The following SGCZ variants were observed in gnomAD, a reference collection of about 807,000 sequenced individuals.
The protein encoded by SGCZ is zeta-sarcoglycan.
SGCZ carries 40 observed loss-of-function variants against 41.3 expected under a neutral mutation model. That is an observed-to-expected ratio of 0.97 (90% CI 0.75 to 1.26). The LOEUF is 1.26. Ranked by LOEUF, SGCZ falls within the 50% of genes most tolerant of loss-of-function variation. The probability of loss-of-function intolerance (pLI) is 0.00; values close to 1 mark genes in which losing one functional copy is unlikely to be tolerated. For synonymous variants in SGCZ, 206 were observed against 137.5 expected, an observed-to-expected ratio of 1.50 and a Z score of -3.49; for missense variants, 552 against 369.8, an observed-to-expected ratio of 1.49 and a Z score of -4.04.
At chr8:15,124,177 A>AAGACT (rs1807591122) in intron 1 of SGCZ, among the ~76,000 whole-genome samples, 1 of 152,254 alleles carries the variant, frequency 6.6e-6, no homozygotes, top group Non-Finnish European at 1.5e-5. Context: ...GACCAGTTAG[A>AAGACT]AGACTACTGT....
chr8:14,401,947 C>T (rs1799088640), intron 2 of SGCZ, among the ~76,000 whole-genome samples: 1 of 151,428 alleles, frequency 6.6e-6, no homozygotes, highest in South Asian at 2.1e-4. Flanking sequence ...TCTCCAGCAC[C>T]TGTTGTTTCC....
At chr8:14,644,115 G>T (rs938094022) in intron 1 of SGCZ, among the ~76,000 whole-genome samples, 6 of 151,686 alleles carry the variant, frequency 4.0e-5, no homozygotes, top group Admixed American at 3.3e-4. Flanking sequence ...CTTACCTATT[G>T]TGATGGTTAA....
At chr8:15,092,906 G>C (rs907074190) in intron 1 of SGCZ, among the ~76,000 whole-genome samples, 4 of 152,164 alleles carry the variant, frequency 2.6e-5, no homozygotes, top group Non-Finnish European at 5.9e-5. Flanking sequence ...CAGGAAAACA[G>C]ATGTGTAGGC....
At chr8:14,672,143 C>A (rs923142489) in intron 1 of SGCZ, among the ~76,000 whole-genome samples, 2 of 152,060 alleles carry the variant, frequency 1.3e-5, no homozygotes, top group Non-Finnish European at 2.9e-5. Context: ...GTTCTCTTTG[C>A]CTTCTAAATG....
chr8:14,554,987 A>C, intron 1 of SGCZ, 61 bp from the exon 2 acceptor site: 2 of 1,434,386 alleles, frequency 1.4e-6, no homozygotes, highest in South Asian at 1.4e-5. Context: ...TAAAAAAAAT[A>C]AACCCATGAT....
At chr8:14,116,394 T>C (rs1283140887) in intron 5 of SGCZ, among the ~76,000 whole-genome samples, 2 of 152,106 alleles carry the variant, frequency 1.3e-5, no homozygotes, top group Non-Finnish European at 2.9e-5. Flanking sequence ...AAGTTTTACC[T>C]ACAATTTTTT....
intron 1 of SGCZ, among the ~76,000 whole-genome samples, chr8:14,896,364 G>A (rs1264700992): frequency 6.6e-6 from 1 of 152,168 alleles, no homozygotes; most frequent in Non-Finnish European, 1.5e-5. Flanking sequence ...TAATGGCACT[G>A]ACTCTGGTGT....
chr8:14,771,988 C>T (rs1033047886), intron 1 of SGCZ, among the ~76,000 whole-genome samples: 1 of 152,018 alleles, frequency 6.6e-6, no homozygotes, highest in African/African-American at 2.4e-5. Flanking sequence ...AATGGTTCAA[C>T]TTGATGATTT....
intron 1 of SGCZ, among the ~76,000 whole-genome samples, chr8:15,104,089 A>G (rs533743890): frequency 1.5e-3 from 228 of 152,270 alleles, no homozygotes; most frequent in African/African-American, 5.3e-3. Context: ...TTTCTGTAAA[A>G]CAGACTAAGT....
intron 1 of SGCZ, among the ~76,000 whole-genome samples, chr8:15,179,043 C>T (rs756626721): frequency 1.3e-5 from 2 of 152,018 alleles, no homozygotes; most frequent in Non-Finnish European, 2.9e-5. Context: ...TAAAAAACTA[C>T]GTATTATATC....
chr8:14,272,557 A>T (rs1352074379), intron 3 of SGCZ, among the ~76,000 whole-genome samples: 1 of 152,176 alleles, frequency 6.6e-6, no homozygotes, highest in Non-Finnish European at 1.5e-5. Context: ...TTGTCAGTGA[A>T]AGCACAAATT....
At chr8:15,014,405 G>C (rs1198429163) in intron 1 of SGCZ, among the ~76,000 whole-genome samples, 1 of 152,198 alleles carries the variant, frequency 6.6e-6, no homozygotes, top group African/African-American at 2.4e-5. Context: ...AGGAATGGTA[G>C]CTTCATTTTG....
At chr8:14,251,778 G>C (rs921613833) in intron 3 of SGCZ, among the ~76,000 whole-genome samples, 7 of 152,180 alleles carry the variant, frequency 4.6e-5, no homozygotes, top group African/African-American at 1.7e-4. Context: ...ATTTAACTTT[G>C]TAAAATGTGG....
chr8:14,954,711 C>T (rs1800741571), intron 1 of SGCZ, among the ~76,000 whole-genome samples: 1 of 152,082 alleles, frequency 6.6e-6, no homozygotes. Context: ...TTCCTAAAAC[C>T]TCAGACTGTT....
At chr8:15,033,520 G>A (rs1437375175) in intron 1 of SGCZ, among the ~76,000 whole-genome samples, 2 of 152,046 alleles carry the variant, frequency 1.3e-5, no homozygotes, top group South Asian at 2.1e-4. Context: ...CTGGACTCAG[G>A]CTCCAGGAGC....
chr8:14,329,725 A>G (rs1357534277), intron 2 of SGCZ, among the ~76,000 whole-genome samples: 8 of 151,856 alleles, frequency 5.3e-5, no homozygotes, highest in Non-Finnish European at 1.2e-4. Context: ...TATAAAACAG[A>G]CTCTTCCAGT....
intron 1 of SGCZ, among the ~76,000 whole-genome samples, chr8:14,568,776 A>G (rs1804460559): frequency 6.6e-6 from 1 of 152,222 alleles, no homozygotes; most frequent in Non-Finnish European, 1.5e-5. Flanking sequence ...AAGCACTTTG[A>G]GAATCACCGT....
intron 1 of SGCZ, among the ~76,000 whole-genome samples, chr8:14,985,306 A>C (rs1050020960): frequency 2.4e-4 from 36 of 152,180 alleles, no homozygotes; most frequent in Admixed American, 1.5e-3. Flanking sequence ...AGCTGGTGAC[A>C]GCATTGGTAT....
rs563059186 is a variant in SGCZ at position 15,006,180 on chromosome 8, C to G, written c.39+231405G>C. 2.0e-5 allele frequency among the ~76,000 whole-genome samples: 3 copies of G among 152,262 alleles called. No individual in the cohort carries two copies. The South Asian group carries it at 6.2e-4, about 32-fold the overall frequency. ...TTTTAATGTCTGTTTAGAAATTACA[C>G]AACGTGGAAGAATACCCTAAAAATA... On this transcript the variant is annotated intron_variant, in intron 1 of 7. Coordinates refer to ENST00000382080, the MANE Select transcript of SGCZ (RefSeq NM_139167.4).
Sources: gnomAD v4.1 joint callset for allele counts (sites outside exome capture counted in the v4.1 genomes callset) on GRCh38, gnomAD v4.1.1 for gene constraint, MANE v1.5 for transcripts, NCBI Gene and HGNC (gene_info 2026-07-23, HGNC 2026-07-21) for gene names.